The following TBC1D23 variants were observed in gnomAD, a reference collection of about 807,000 sequenced individuals.
The protein encoded by TBC1D23 is HCV non-structural protein 4A-transactivated protein 1.
Under a neutral mutation model 91.4 loss-of-function variants are expected in TBC1D23, and 55 were observed. The observed-to-expected ratio is 0.60, with a 90% CI of 0.48 to 0.75. The LOEUF (loss-of-function observed/expected upper bound fraction) is 0.75. Ranked by LOEUF, TBC1D23 falls within the 30% of genes least tolerant of loss-of-function variation. The pLI is 0.00. For synonymous variants in TBC1D23, 289 were observed against 281.0 expected, an observed-to-expected ratio of 1.03 and a Z score of -0.28; for missense variants, 725 against 836.1, an observed-to-expected ratio of 0.87 and a Z score of 1.64.
Position 100,316,135 on chromosome 3 carries a change from C to A in TBC1D23, c.1635C>A (p.Tyr545Ter), listed in dbSNP as rs1269054383. ...GCAGTGACAGAGTGGGCAAGCCTTACCGTGGCGTAAAGCCTGTTTTCAGCA... is the reference window on the plus strand; with the variant it reads ...GCAGTGACAGAGTGGGCAAGCCTTAACGTGGCGTAAAGCCTGTTTTCAGCA... ...VSSSDRVGKP[Y>*]RGVKPVFSIG... The change falls in exon 16 of 19, where the codon TAC becomes TAA. Residue 545 changes from tyrosine (Y) to a stop codon, truncating the protein, a stop_gained. Transcript: ENST00000394144. LOFTEE classifies it high-confidence loss of function. 6.2e-7 allele frequency: 1 copy of A among 1,614,068 alleles called. No individual in the cohort carries two copies. Among genetic ancestry groups the A allele is most frequent in the Non-Finnish European group, 8.5e-7 (1 of 1,179,970 alleles).
intron 1 of TBC1D23, among the ~76,000 whole-genome samples, chr3:100,264,307 C>T (rs1371964960): frequency 6.6e-6 from 1 of 151,658 alleles, no homozygotes; most frequent in East Asian, 1.9e-4. Context: ...CCCCCTCCCT[C>T]CCTCTCTTTC....
At chr3:100,291,655 T>A (rs1362848525) in intron 5 of TBC1D23, among the ~76,000 whole-genome samples, 1 of 151,878 alleles carries the variant, frequency 6.6e-6, no homozygotes, top group African/African-American at 2.4e-5. Flanking sequence ...ATTTATTACA[T>A]GTTGATATAA....
rs139547679 is a variant in TBC1D23 at position 100,289,867 on chromosome 3, G to A, written c.477-711G>A. Among the ~76,000 whole-genome samples the A allele has an allele frequency of 7.9e-5, 12 of 152,272 alleles. No homozygotes were observed. In the East Asian group the frequency reaches 2.3e-3, roughly 29 times the overall value. On this transcript the variant is annotated intron_variant, in intron 4 of 18. Coordinates refer to ENST00000394144, the MANE Select transcript of TBC1D23 (RefSeq NM_001199198.3). ...TATTTCACCACCCAGGTAATAAGTA[G>A]AGTACCTTCTTTCTACTTTTGAAGT...
At chr3:100,264,025 C>T (rs1361608984) in intron 1 of TBC1D23, among the ~76,000 whole-genome samples, 1 of 152,118 alleles carries the variant, frequency 6.6e-6, no homozygotes, top group African/African-American at 2.4e-5. Context: ...AATCTTTCTC[C>T]TTTTTATCCT....
chr3:100,299,703 C>T (rs1356843293), intron 10 of TBC1D23, among the ~76,000 whole-genome samples: 1 of 152,000 alleles, frequency 6.6e-6, no homozygotes, highest in African/African-American at 2.4e-5. Context: ...TAGAGACGGG[C>T]TTTCACCATG....
chr3:100,261,648 C>T (rs1266153795), intron 1 of TBC1D23: 2 of 143,386 alleles, frequency 1.4e-5, no homozygotes, highest in African/African-American at 2.5e-5. Flanking sequence ...TACCACATTT[C>T]TCACAGCTCG....
chr3:100,312,928 C>T (rs1576184717), intron 15 of TBC1D23, among the ~76,000 whole-genome samples: 2 of 151,852 alleles, frequency 1.3e-5, no homozygotes, highest in South Asian at 2.1e-4. Context: ...TGGAGGTGGG[C>T]GGATCACGAG....
Position 100,323,767 on chromosome 3 carries a change from A to G in TBC1D23, c.*99A>G. 2.3e-6 allele frequency: 1 copy of G among 440,702 alleles called. No homozygotes were observed. The highest frequency in any genetic ancestry group is 3.7e-6 in the Non-Finnish European group (1 of 267,616). 27.3% of individuals were successfully genotyped at this position (440,702 alleles called of 1,614,324 possible). ...CTAACTGGAGACCTTTCATTTGCTC[A>G]TGGGGCTGCTTAAATAGCAGGTCTA... On this transcript the variant is annotated 3_prime_UTR_variant, in exon 19 of 19. Transcript: ENST00000394144.
chr3:100,271,339 G>A (rs766784952), intron 1 of TBC1D23, among the ~76,000 whole-genome samples: 11 of 152,184 alleles, frequency 7.2e-5, no homozygotes, highest in Admixed American at 1.3e-4. Flanking sequence ...AAGGGAGAAC[G>A]TGGAGACGTT....
At chr3:100,312,176 CAA>C (rs1705635898) in intron 15 of TBC1D23, among the ~76,000 whole-genome samples, 1 of 152,092 alleles carries the variant, frequency 6.6e-6, no homozygotes, top group African/African-American at 2.4e-5. Context: ...GAAGGTGAAA[CAA>C]AGAAAGTATG....
chr3:100,298,590 G>A lies in TBC1D23; in HGVS notation c.999+545G>A, dbSNP rs757942963. ...TAGTGTATTTCCAAGGTTGAGGGCA[G>A]GAAAGGAATGGACGTGGGAAAATAG... On this transcript the variant is annotated intron_variant, in intron 9 of 18. Transcript: ENST00000394144. 4.7e-4 allele frequency among the ~76,000 whole-genome samples: 71 copies of A among 152,164 alleles called. 1 individual carries two copies. The highest frequency in any genetic ancestry group is 2.6e-4 in the Admixed American group (4 of 15,284).
chr3:100,289,843 A>G (rs1370717441), intron 4 of TBC1D23, among the ~76,000 whole-genome samples: 2 of 152,206 alleles, frequency 1.3e-5, no homozygotes, highest in Non-Finnish European at 2.9e-5. Flanking sequence ...TGTACAGATT[A>G]TTTCACCACC....
chr3:100,294,193 T>A (rs1239526842), intron 5 of TBC1D23, among the ~76,000 whole-genome samples: 1 of 152,152 alleles, frequency 6.6e-6, no homozygotes, highest in African/African-American at 2.4e-5. Flanking sequence ...GTAGAGTTGC[T>A]TATAAATTAA....
chr3:100,274,894 A>ACCCCC (rs566977209), intron 1 of TBC1D23, among the ~76,000 whole-genome samples: 3 of 131,924 alleles, frequency 2.3e-5, no homozygotes, highest in African/African-American at 8.1e-5. Flanking sequence ...TACAGTACAC[A>ACCCCC]CCCCCCCCCT....
Position 100,290,586 on chromosome 3 carries a change from C to A in TBC1D23, c.485C>A (p.Ser162Tyr), listed in dbSNP as rs770511954. 3.1e-6 allele frequency: 5 copies of A among 1,613,270 alleles called. No individual in the cohort carries two copies. The highest frequency in any genetic ancestry group is 3.4e-6 in the Non-Finnish European group (4 of 1,179,610). The stretch of plus-strand genomic sequence containing the variant: ...CTTCTCTTGTCTTCTAGGGATTGTT[C>A]CCAGAAAGGGAGACCATTTCATCTC... ...IMNKYIPRDC[S>Y]QKGRPFHLFR... Residue 162 changes from serine to tyrosine, a missense_variant, in exon 5 of 19, where the codon TCC (serine) becomes TAC (tyrosine). Coordinates refer to ENST00000394144, the MANE Select transcript of TBC1D23 (RefSeq NM_001199198.3).
At chr3:100,318,275 ATATAAT>A (rs1352017747) in intron 16 of TBC1D23, among the ~76,000 whole-genome samples, 1 of 152,154 alleles carries the variant, frequency 6.6e-6, no homozygotes, top group Non-Finnish European at 1.5e-5. Flanking sequence ...AAATTAGAAA[ATATAAT>A]TATTTTATAT....
At chr3:100,305,612 G>T (rs144343700) in intron 12 of TBC1D23, among the ~76,000 whole-genome samples, 8 of 152,248 alleles carry the variant, frequency 5.3e-5, no homozygotes, top group African/African-American at 1.9e-4. Context: ...ATCAGTATAT[G>T]TTGAGGGTAA....
intron 1 of TBC1D23, among the ~76,000 whole-genome samples, chr3:100,277,318 A>G (rs2067656396): frequency 6.6e-6 from 1 of 152,200 alleles, no homozygotes; most frequent in African/African-American, 2.4e-5. Flanking sequence ...CCTTGTTCAG[A>G]AAATAGTGTT....
At chr3:100,286,125 A>G (rs188530949) in intron 4 of TBC1D23, among the ~76,000 whole-genome samples, 1 of 152,326 alleles carries the variant, frequency 6.6e-6, no homozygotes, top group African/African-American at 2.4e-5. Context: ...AGACTTAAAG[A>G]TACCAGAAAA....
Sources: allele counts gnomAD v4.1 joint callset (sites outside exome capture counted in the v4.1 genomes callset), GRCh38; gene constraint gnomAD v4.1.1; transcripts MANE v1.5; gene names NCBI Gene and HGNC (gene_info 2026-07-23, HGNC 2026-07-21).